KCNQ5: variants seen among roughly 807,000 people sequenced by gnomAD.
The protein encoded by KCNQ5 is potassium voltage-gated channel subfamily KQT member 5.
KCNQ5 carries 30 observed loss-of-function variants against 98.2 expected under a neutral mutation model. That is an observed-to-expected ratio of 0.31 (90% CI 0.23 to 0.41). KCNQ5 has a LOEUF of 0.41. KCNQ5 is among the 10% of genes least tolerant of loss of function. KCNQ5 has a pLI of 1.00. For synonymous variants in KCNQ5, 458 were observed against 449.4 expected, an observed-to-expected ratio of 1.02 and a Z score of -0.24; for missense variants, 835 against 1,182.5, an observed-to-expected ratio of 0.71 and a Z score of 4.31.
intron 1 of KCNQ5, among the ~76,000 whole-genome samples, chr6:72,651,299 T>C (rs1765863736): frequency 6.6e-6 from 1 of 151,826 alleles, no homozygotes; most frequent in South Asian, 2.1e-4. Flanking sequence ...TTGAACTGAG[T>C]GAATGAAAGG....
At chr6:73,123,124 TAA>T (rs529127166) in intron 8 of KCNQ5, among the ~76,000 whole-genome samples, 46 of 131,850 alleles carry the variant, frequency 3.5e-4, no homozygotes, top group Non-Finnish European at 4.3e-4. Flanking sequence ...GCAGTTGGAG[TAA>T]AAAAAAAAAA....
intron 9 of KCNQ5, among the ~76,000 whole-genome samples, chr6:73,129,036 C>T (rs1776112931): frequency 6.6e-6 from 1 of 152,084 alleles, no homozygotes; most frequent in Admixed American, 6.6e-5. Context: ...AATTTTCTTT[C>T]TTCTGTGTGC....
intron 1 of KCNQ5, among the ~76,000 whole-genome samples, chr6:72,862,574 A>G (rs940131463): frequency 5.3e-5 from 8 of 152,160 alleles, no homozygotes; most frequent in African/African-American, 1.9e-4. Flanking sequence ...AGTTTTGTCC[A>G]GTGAGTCCAT....
intron 1 of KCNQ5, among the ~76,000 whole-genome samples, chr6:72,912,461 T>C (rs1395078477): frequency 2.0e-5 from 3 of 152,186 alleles, no homozygotes; most frequent in African/African-American, 4.8e-5. Context: ...GTTTTCCTTT[T>C]TGGTTCATTT....
intron 10 of KCNQ5, among the ~76,000 whole-genome samples, chr6:73,169,161 G>A (rs982891427): frequency 6.7e-6 from 1 of 148,306 alleles, no homozygotes; most frequent in African/African-American, 2.5e-5. Context: ...AAATTTCCTT[G>A]GTTTACGAAA....
chr6:72,655,766 G>A (rs1766159688), intron 1 of KCNQ5, among the ~76,000 whole-genome samples: 1 of 152,166 alleles, frequency 6.6e-6, no homozygotes, highest in African/African-American at 2.4e-5. Context: ...TGGATTTTGA[G>A]TAGGGGAATA....
chr6:72,854,279 T>A (rs200185356), intron 1 of KCNQ5, among the ~76,000 whole-genome samples: 7 of 127,344 alleles, frequency 5.5e-5, no homozygotes, highest in Non-Finnish European at 1.0e-4. Flanking sequence ...AATTTTTTTT[T>A]AAAATTTGGT....
At chr6:73,153,405 C>T (rs1442065150) in intron 10 of KCNQ5, among the ~76,000 whole-genome samples, 1 of 152,022 alleles carries the variant, frequency 6.6e-6, no homozygotes. Context: ...GTTCAATCTA[C>T]CATCTTAACC....
At chr6:72,716,262 T>C (rs1004170803) in intron 1 of KCNQ5, among the ~76,000 whole-genome samples, 1 of 152,230 alleles carries the variant, frequency 6.6e-6, no homozygotes, top group Non-Finnish European at 1.5e-5. Context: ...TGGCTGTTCA[T>C]GAGAATAAAT....
At chr6:73,093,683 A>C (rs999352512) in intron 5 of KCNQ5, among the ~76,000 whole-genome samples, 1 of 152,180 alleles carries the variant, frequency 6.6e-6, no homozygotes, top group Non-Finnish European at 1.5e-5. Flanking sequence ...ATTCAAGAGC[A>C]GGTTATTTAA....
At chr6:72,897,024 T>C (rs952764326) in intron 1 of KCNQ5, among the ~76,000 whole-genome samples, 1 of 152,092 alleles carries the variant, frequency 6.6e-6, no homozygotes, top group African/African-American at 2.4e-5. Flanking sequence ...TATAGTCATC[T>C]TAGGAGGTCA....
intron 3 of KCNQ5, among the ~76,000 whole-genome samples, chr6:73,067,729 C>T (rs1773115748): frequency 1.3e-5 from 2 of 152,134 alleles, no homozygotes; most frequent in Admixed American, 6.5e-5. Context: ...TGTTTTCCCA[C>T]CACTGACTAA....
chr6:72,651,124 C>T (rs956619866), intron 1 of KCNQ5, among the ~76,000 whole-genome samples: 1 of 152,050 alleles, frequency 6.6e-6, no homozygotes, highest in African/African-American at 2.4e-5. Context: ...TATATTTGTT[C>T]ATATATTTAA....
chr6:72,675,450 A>G (rs1767360758), intron 1 of KCNQ5, among the ~76,000 whole-genome samples: 2 of 152,196 alleles, frequency 1.3e-5, no homozygotes, highest in African/African-American at 4.8e-5. Flanking sequence ...TCTGAATTCT[A>G]TTGTGGAAAA....
At chr6:72,766,890 T>C (rs1772601925) in intron 1 of KCNQ5, among the ~76,000 whole-genome samples, 1 of 151,970 alleles carries the variant, frequency 6.6e-6, no homozygotes, top group Non-Finnish European at 1.5e-5. Flanking sequence ...TAGAGATATA[T>C]ATGTGTGTCA....
At chr6:73,060,195 T>C (rs1772719012) in intron 3 of KCNQ5, among the ~76,000 whole-genome samples, 1 of 151,932 alleles carries the variant, frequency 6.6e-6, no homozygotes, top group African/African-American at 2.4e-5. Context: ...AAGACTACTT[T>C]TCCTCCAAGA....
chr6:73,114,877 A>G (rs1389634101), intron 7 of KCNQ5, among the ~76,000 whole-genome samples: 1 of 152,124 alleles, frequency 6.6e-6, no homozygotes, highest in African/African-American at 2.4e-5. Flanking sequence ...AAATATATAT[A>G]TTTGTCTTGA....
intron 2 of KCNQ5, among the ~76,000 whole-genome samples, chr6:73,016,198 G>A (rs1038665511): frequency 1.3e-5 from 2 of 152,106 alleles, no homozygotes; most frequent in Non-Finnish European, 2.9e-5. Flanking sequence ...CACTGAAATG[G>A]GTGGCAGAGA....
At chr6:73,181,574 G>A (rs1158831595) in intron 11 of KCNQ5, among the ~76,000 whole-genome samples, 1 of 152,232 alleles carries the variant, frequency 6.6e-6, no homozygotes, top group Non-Finnish European at 1.5e-5. Context: ...TCTCAAAGAA[G>A]GAGAGACATA....
Sources: allele counts gnomAD v4.1 joint callset (sites outside exome capture counted in the v4.1 genomes callset), GRCh38; gene constraint gnomAD v4.1.1; transcripts MANE v1.5; gene names NCBI Gene and HGNC (gene_info 2026-07-23, HGNC 2026-07-21).